The following TNPO3 variants were observed in gnomAD, a reference collection of about 807,000 sequenced individuals.
TNPO3 encodes transportin-3.
A neutral mutation model predicts 122.8 loss-of-function variants in TNPO3; 65 were observed. The observed-to-expected ratio is 0.53, with a 90% confidence interval of 0.43 to 0.65. The LOEUF is 0.65. TNPO3 is among the 30% of genes least tolerant of loss of function. The pLI, the probability that TNPO3 is intolerant of heterozygous loss-of-function variation, is 0.00. For missense variants in TNPO3, 850 were observed against 1,136.7 expected, an observed-to-expected ratio of 0.75 and a Z score of 3.63; for synonymous variants, 372 against 411.2, an observed-to-expected ratio of 0.90 and a Z score of 1.15.
At chr7:129,027,042 T>G (rs1420701487) in intron 1 of TNPO3, among the ~76,000 whole-genome samples, 1 of 152,138 alleles carries the variant, frequency 6.6e-6, no homozygotes, top group Non-Finnish European at 1.5e-5. Flanking sequence ...CCTCCCAAAG[T>G]GCTAGGATTA....
chr7:128,982,347 ACACC>A, intron 13 of TNPO3, 23 bp from the exon 14 acceptor site: 1 of 1,605,540 alleles, frequency 6.2e-7, no homozygotes, highest in Non-Finnish European at 8.5e-7. Context: ...AAGGACATTA[ACACC>A]CAATTGTCAC....
At chr7:129,044,460 C>T (rs1278939693) in intron 1 of TNPO3, among the ~76,000 whole-genome samples, 1 of 152,080 alleles carries the variant, frequency 6.6e-6, no homozygotes, top group African/African-American at 2.4e-5. Context: ...AACAGAAAAC[C>T]CACCAAAAGG....
chr7:129,053,417 C>G (rs910843457), intron 1 of TNPO3, among the ~76,000 whole-genome samples: 18 of 150,720 alleles, frequency 1.2e-4, no homozygotes, highest in Non-Finnish European at 2.2e-4. Context: ...ATCTCTTGAA[C>G]CCGGGAGGAG....
Position 128,957,248 on chromosome 7 carries a change from G to A in TNPO3, c.*7C>T, listed in dbSNP as rs367588781. 19 of 1,614,040 alleles carry A rather than the reference G, an allele frequency of 1.2e-5. No individual in the cohort carries two copies. Among genetic ancestry groups the A allele is most frequent in the Non-Finnish European group, 1.6e-5 (19 of 1,179,896 alleles). ...CCTGGGTGACAGGCACAGTGCAGGA[G>A]TGTGAGCTATCGAAACAACCTGGTG... On this transcript the variant is annotated 3_prime_UTR_variant, in exon 22 of 23. Transcript: ENST00000265388.
At chr7:128,968,913 GA>G (rs548987658) in intron 20 of TNPO3, among the ~76,000 whole-genome samples, 139 of 151,442 alleles carry the variant, frequency 9.2e-4, no homozygotes, top group African/African-American at 3.2e-3. Flanking sequence ...TTTTTGTAGG[GA>G]TGGGGTCTAT....
chr7:128,976,114 G>T (rs976438138), intron 16 of TNPO3, among the ~76,000 whole-genome samples, 179 bp from the exon 17 acceptor site: 16 of 152,198 alleles, frequency 1.1e-4, no homozygotes, highest in African/African-American at 3.6e-4. Flanking sequence ...ATGATTTTCA[G>T]GTTCTCTATT....
At chr7:128,998,498 A>C (rs1430969494) in intron 7 of TNPO3, among the ~76,000 whole-genome samples, 1 of 151,988 alleles carries the variant, frequency 6.6e-6, no homozygotes, top group Non-Finnish European at 1.5e-5. Flanking sequence ...GGAGGACTAC[A>C]GGCGCTTGCC....
rs73463089 is a variant in TNPO3, at chr7:129,026,242, C to T, written c.121-8085G>A. ...ATTTCTATCTCCTTAAAAGTAGAGACCTCAAAAATGAAGGGCAGAAGCAAA... is the reference window on the plus strand; with the variant it reads ...ATTTCTATCTCCTTAAAAGTAGAGATCTCAAAAATGAAGGGCAGAAGCAAA... On this transcript the variant is annotated intron_variant, in intron 1 of 22. Coordinates refer to ENST00000265388, the MANE Select transcript of TNPO3 (RefSeq NM_012470.4). Among the ~76,000 whole-genome samples, 253 of 152,050 alleles carry T rather than the reference C, an allele frequency of 1.7e-3. 1 individual carries two copies. The highest frequency in any genetic ancestry group is 6.0e-3 in the African/African-American group (248 of 41,464).
chr7:128,993,510 C>T (rs1225486113), intron 9 of TNPO3, among the ~76,000 whole-genome samples: 1 of 152,164 alleles, frequency 6.6e-6, no homozygotes, highest in Non-Finnish European at 1.5e-5. Context: ...CTATAAGTAT[C>T]CTAGAGGCTT....
chr7:129,001,333 G>C, intron 5 of TNPO3, 99 bp from the exon 6 acceptor site: 1 of 965,366 alleles, frequency 1.0e-6, no homozygotes, highest in Non-Finnish European at 1.5e-6. Flanking sequence ...ACCATCGATA[G>C]AAAATATTCA....
At chr7:129,013,048 C>T (rs972930125) in intron 4 of TNPO3, among the ~76,000 whole-genome samples, 1 of 152,160 alleles carries the variant, frequency 6.6e-6, no homozygotes, top group African/African-American at 2.4e-5. Context: ...ATGCGATACT[C>T]CTCAAAGGTC....
chr7:129,029,330 C>A, intron 1 of TNPO3: 1 of 154,436 alleles, frequency 6.5e-6, no homozygotes. Flanking sequence ...TGCCAGAACA[C>A]ACTCAAAGCA....
At chr7:128,983,038 A>G (rs1799786747) in intron 13 of TNPO3, among the ~76,000 whole-genome samples, 1 of 152,212 alleles carries the variant, frequency 6.6e-6, no homozygotes, top group Non-Finnish European at 1.5e-5. Context: ...CACCAACTGA[A>G]TAGGTCCCTC....
chr7:128,956,032 T>G (rs1796866973), intron 22 of TNPO3, among the ~76,000 whole-genome samples: 1 of 152,158 alleles, frequency 6.6e-6, no homozygotes, highest in South Asian at 2.1e-4. Flanking sequence ...CTTAAAACAG[T>G]GCCCTGACAC....
At chr7:128,990,914 A>C (rs1379934925) in intron 10 of TNPO3, among the ~76,000 whole-genome samples, 2 of 152,200 alleles carry the variant, frequency 1.3e-5, no homozygotes, top group Admixed American at 6.5e-5. Flanking sequence ...AAACTAGTCT[A>C]TTAAGTCCTT....
chr7:129,017,622 C>A (rs1803993024), intron 2 of TNPO3, among the ~76,000 whole-genome samples: 1 of 152,216 alleles, frequency 6.6e-6, no homozygotes, highest in Non-Finnish European at 1.5e-5. Flanking sequence ...GACAGATGCT[C>A]TAGTTCAACG....
At chr7:129,056,037 T>C, upstream of TNPO3, 1 of 1,128,290 alleles carries the variant, frequency 8.9e-7, no homozygotes, top group East Asian at 2.4e-5. Context: ...CTCCAGGAAG[T>C]TCTTCGTGGG....
At chr7:128,973,742 A>G (rs1447088676) in intron 18 of TNPO3, among the ~76,000 whole-genome samples, 1 of 141,716 alleles carries the variant, frequency 7.1e-6, no homozygotes, top group African/African-American at 2.6e-5. Flanking sequence ...TCTCAAAAAA[A>G]AAAAAAAAAA....
intron 1 of TNPO3, among the ~76,000 whole-genome samples, chr7:129,020,975 ACTG>A (rs1294601470): frequency 1.3e-4 from 20 of 152,190 alleles, no homozygotes; most frequent in Admixed American, 6.5e-5. Flanking sequence ...CAGGGTGTCT[ACTG>A]GACCTAAGAA....
Sources: allele counts gnomAD v4.1 joint callset (sites outside exome capture counted in the v4.1 genomes callset), GRCh38; gene constraint gnomAD v4.1.1; transcripts MANE v1.5; gene names NCBI Gene and HGNC (gene_info 2026-07-23, HGNC 2026-07-21).